SULF1: variants seen among roughly 807,000 people sequenced by gnomAD.
The protein encoded by SULF1 is sulfatase 1.
SULF1 carries 46 observed loss-of-function variants against 110.5 expected under a neutral mutation model. That is an observed-to-expected ratio of 0.42 (90% CI 0.33 to 0.53). The LOEUF (loss-of-function observed/expected upper bound fraction) is 0.53, where lower values mean the gene tolerates loss of function less well. Among genes scored for constraint, SULF1 ranks in the 20% least tolerant of loss-of-function variants. SULF1 has a pLI of 0.12. For synonymous variants in SULF1, 371 were observed against 387.1 expected, an observed-to-expected ratio of 0.96 and a Z score of 0.49; for missense variants, 941 against 1,094.2, an observed-to-expected ratio of 0.86 and a Z score of 1.98.
chr8:69,629,350 G>A (rs1810343282), intron 18 of SULF1, among the ~76,000 whole-genome samples, 154 bp from the exon 19 acceptor site: 1 of 152,036 alleles, frequency 6.6e-6, no homozygotes, highest in Non-Finnish European at 1.5e-5. Flanking sequence ...CACTATTCCT[G>A]ATTCTATTTT....
chr8:69,544,116 T>C (rs1437612087), intron 3 of SULF1, among the ~76,000 whole-genome samples: 2 of 152,250 alleles, frequency 1.3e-5, no homozygotes, highest in African/African-American at 4.8e-5. Flanking sequence ...TTTGCTAGTT[T>C]ATTAATAACT....
intron 3 of SULF1, among the ~76,000 whole-genome samples, chr8:69,506,495 G>A (rs1404520520): frequency 2.0e-5 from 3 of 152,290 alleles, no homozygotes; most frequent in South Asian, 4.1e-4. Context: ...CAAAGCCAGT[G>A]AGCTTATGTT....
At chr8:69,589,285 C>A in intron 8 of SULF1, 144 bp downstream of exon 8, 1 of 828,860 alleles carries the variant, frequency 1.2e-6, no homozygotes, top group Non-Finnish European at 1.8e-6. Flanking sequence ...GAGCAGACCA[C>A]GGAACAGGCA....
chr8:69,517,524 C>G (rs1455496296), intron 3 of SULF1, among the ~76,000 whole-genome samples: 2 of 151,990 alleles, frequency 1.3e-5, no homozygotes, highest in African/African-American at 4.8e-5. Flanking sequence ...GATTAAAAGA[C>G]TTGAGGTAGG....
At chr8:69,501,555 T>C (rs1212983055) in intron 2 of SULF1, among the ~76,000 whole-genome samples, 1 of 152,202 alleles carries the variant, frequency 6.6e-6, no homozygotes, top group Non-Finnish European at 1.5e-5. Context: ...TTGGAACACT[T>C]TGTAAACTTT....
intron 1 of SULF1, among the ~76,000 whole-genome samples, chr8:69,470,268 T>A (rs1306205064): frequency 6.6e-6 from 1 of 152,150 alleles, no homozygotes; most frequent in Non-Finnish European, 1.5e-5. Context: ...TTATCATTAT[T>A]GACTTTGGGG....
chr8:69,534,662 G>A (rs931994079), intron 3 of SULF1, among the ~76,000 whole-genome samples: 6 of 152,044 alleles, frequency 3.9e-5, no homozygotes, highest in African/African-American at 9.7e-5. Context: ...CTTGACAAAC[G>A]ACTTAATTAT....
Position 69,576,210 on chromosome 8 carries a change from G to C in SULF1, c.412+1G>C. The C allele has an allele frequency of 6.2e-7, 1 of 1,613,400 alleles. No homozygotes were observed. The highest frequency in any genetic ancestry group is 8.5e-7 in the Non-Finnish European group (1 of 1,179,484). Reference sequence around the variant, plus strand: ...CTTAACAACACTGGCTACAGAACAGGTAAGGGATGACGTTTCTAGCCCATG... The same window carrying C: ...CTTAACAACACTGGCTACAGAACAGCTAAGGGATGACGTTTCTAGCCCATG... On this transcript the variant is annotated splice_donor_variant, in intron 6 of 22. Transcript: ENST00000402687. LOFTEE classifies it high-confidence loss of function.
At chr8:69,494,795 G>A (rs1283031657) in intron 1 of SULF1, among the ~76,000 whole-genome samples, 2 of 151,602 alleles carry the variant, frequency 1.3e-5, no homozygotes, top group African/African-American at 2.4e-5. Context: ...CAAGAGGATC[G>A]CTTGAGCCTA....
At chr8:69,509,639 C>T (rs981365780) in intron 3 of SULF1, among the ~76,000 whole-genome samples, 1 of 152,174 alleles carries the variant, frequency 6.6e-6, no homozygotes, top group African/African-American at 2.4e-5. Context: ...GAAAAATTGT[C>T]ATCATCTGGA....
intron 22 of SULF1, among the ~76,000 whole-genome samples, chr8:69,645,836 G>A (rs1287812668): frequency 9.9e-5 from 15 of 152,092 alleles, no homozygotes; most frequent in Admixed American, 9.2e-4. Context: ...ATGATATGAT[G>A]TATCTTCCAA....
intron 1 of SULF1, among the ~76,000 whole-genome samples, chr8:69,468,080 G>A (rs951835478): frequency 6.6e-6 from 1 of 152,162 alleles, no homozygotes. Flanking sequence ...AGATAGGTGA[G>A]CCAATGAGAC....
At chr8:69,595,993 A>G (rs553298687) in intron 8 of SULF1, among the ~76,000 whole-genome samples, 1 of 152,196 alleles carries the variant, frequency 6.6e-6, no homozygotes, top group Non-Finnish European at 1.5e-5. Context: ...TCAGTAAGCA[A>G]TACCGGAAAG....
At chr8:69,628,036 AAAAAGTCACATTCAGCT>A in intron 17 of SULF1, 118 bp from the exon 18 acceptor site, 1 of 916,732 alleles carries the variant, frequency 1.1e-6, no homozygotes, top group Non-Finnish European at 1.7e-6. Context: ...AGCAGAAAGT[AAAAAGTCACATTCAGCT>A]AAAATACTTA....
chr8:69,546,343 A>G (rs1274685793), intron 3 of SULF1, among the ~76,000 whole-genome samples: 1 of 152,192 alleles, frequency 6.6e-6, no homozygotes, highest in Non-Finnish European at 1.5e-5. Context: ...TTGTATGGAA[A>G]ACTATTTTGT....
intron 3 of SULF1, among the ~76,000 whole-genome samples, chr8:69,513,017 C>A (rs1212413183): frequency 1.3e-5 from 2 of 152,116 alleles, no homozygotes; most frequent in African/African-American, 4.8e-5. Flanking sequence ...ACCCTACTGT[C>A]ATTTATATAT....
At chr8:69,467,257 G>A (rs1218611726) in intron 1 of SULF1, among the ~76,000 whole-genome samples, 2 of 152,180 alleles carry the variant, frequency 1.3e-5, no homozygotes, top group African/African-American at 4.8e-5. Flanking sequence ...GGATAGATAA[G>A]GCTGAGAAAG....
intron 1 of SULF1, among the ~76,000 whole-genome samples, chr8:69,486,322 TAAAAA>T (rs57385713): frequency 4.0e-5 from 6 of 150,138 alleles, no homozygotes; most frequent in African/African-American, 1.2e-4. Context: ...AGGCTTTTTT[TAAAAA>T]AAAAAAATCA....
chr8:69,548,614 ATT>A (rs3059933), intron 3 of SULF1, among the ~76,000 whole-genome samples: 11 of 120,882 alleles, frequency 9.1e-5, no homozygotes, highest in African/African-American at 9.8e-5. Context: ...TGCCTCGCTG[ATT>A]TTTTTTTTTT....
Sources: gnomAD v4.1 joint callset for allele counts (sites outside exome capture counted in the v4.1 genomes callset) on GRCh38, gnomAD v4.1.1 for gene constraint, MANE v1.5 for transcripts, NCBI Gene and HGNC (gene_info 2026-07-23, HGNC 2026-07-21) for gene names.